The following ARL15 variants were observed in gnomAD, a reference collection of about 807,000 sequenced individuals.
ARL15 encodes ADP-ribosylation factor-like protein 15.
ARL15 carries 19 observed loss-of-function variants against 25.2 expected under a neutral mutation model. The ratio of observed to expected loss-of-function variants is 0.75; its 90% CI spans 0.53 to 1.10. The LOEUF (loss-of-function observed/expected upper bound fraction) is 1.10, where lower values mean the gene tolerates loss of function less well. Among genes scored for constraint, ARL15 ranks in the 50% least tolerant of loss-of-function variants. ARL15 has a pLI of 0.00. For missense variants in ARL15, 220 were observed against 246.0 expected, an observed-to-expected ratio of 0.89 and a Z score of 0.71; for synonymous variants, 94 against 86.8, an observed-to-expected ratio of 1.08 and a Z score of -0.46.
chr5:54,199,326 A>C (rs1755646522), intron 1 of ARL15, among the ~76,000 whole-genome samples: 1 of 151,954 alleles, frequency 6.6e-6, no homozygotes, highest in Non-Finnish European at 1.5e-5. Flanking sequence ...GAGCTTCTGC[A>C]CAGCAAAAGA....
chr5:54,177,007 C>A (rs1417186628), intron 1 of ARL15, among the ~76,000 whole-genome samples: 2 of 152,274 alleles, frequency 1.3e-5, no homozygotes, highest in African/African-American at 2.4e-5. Flanking sequence ...CCTGTCCCCA[C>A]TCCCCTGGTA....
At chr5:53,958,046 C>T (rs1747223475) in intron 4 of ARL15, among the ~76,000 whole-genome samples, 1 of 151,576 alleles carries the variant, frequency 6.6e-6, no homozygotes, top group Non-Finnish European at 1.5e-5. Flanking sequence ...CCCATCTCTA[C>T]AAAAAATACA....
intron 2 of ARL15, among the ~76,000 whole-genome samples, chr5:54,167,890 G>C (rs752208620): frequency 3.9e-5 from 6 of 152,060 alleles, no homozygotes; most frequent in African/African-American, 9.7e-5. Context: ...TACTGAAACT[G>C]TTTCTACCAT....
chr5:54,152,344 T>C (rs772077613), intron 3 of ARL15, among the ~76,000 whole-genome samples: 52 of 152,200 alleles, frequency 3.4e-4, no homozygotes, highest in Non-Finnish European at 6.3e-4. Context: ...CTACACTTTA[T>C]ACAGGTTAGC....
chr5:53,977,134 G>A (rs1054114404), intron 4 of ARL15, among the ~76,000 whole-genome samples: 8 of 151,958 alleles, frequency 5.3e-5, no homozygotes, highest in Non-Finnish European at 1.0e-4. Flanking sequence ...CGAGGCGGGC[G>A]GATCACAAGG....
chr5:54,106,680 G>A (rs1752598394), intron 4 of ARL15, among the ~76,000 whole-genome samples: 1 of 152,076 alleles, frequency 6.6e-6, no homozygotes, highest in African/African-American at 2.4e-5. Context: ...TTCAGAGAAT[G>A]GTGTTTTTCC....
chr5:53,960,409 A>C (rs1404577036), intron 4 of ARL15, among the ~76,000 whole-genome samples: 3 of 152,206 alleles, frequency 2.0e-5, no homozygotes, highest in Non-Finnish European at 2.9e-5. Context: ...CAGTGAAAGA[A>C]TCTTACGGCC....
intron 1 of ARL15, among the ~76,000 whole-genome samples, chr5:54,226,716 TTA>T (rs757457791): frequency 6.6e-6 from 1 of 152,236 alleles, no homozygotes; most frequent in Non-Finnish European, 1.5e-5. Context: ...ATTTCACCAT[TTA>T]TATGTCTTCA....
intron 4 of ARL15, among the ~76,000 whole-genome samples, chr5:53,890,596 C>T (rs1744679396): frequency 6.6e-6 from 1 of 152,152 alleles, no homozygotes; most frequent in Non-Finnish European, 1.5e-5. Flanking sequence ...GGTCATTTAG[C>T]TATTTTCAGG....
At chr5:54,063,809 A>C (rs1403655426) in intron 4 of ARL15, among the ~76,000 whole-genome samples, 2 of 152,184 alleles carry the variant, frequency 1.3e-5, no homozygotes, top group African/African-American at 4.8e-5. Flanking sequence ...TGTAAAAATA[A>C]AGCTAATTTG....
chr5:54,199,043 G>C (rs1017540949), intron 1 of ARL15, among the ~76,000 whole-genome samples: 9 of 151,428 alleles, frequency 5.9e-5, no homozygotes, highest in African/African-American at 2.2e-4. Context: ...ACAAGCAATG[G>C]GGAAAGGATT....
chr5:54,068,425 A>G (rs1287088740), intron 4 of ARL15, among the ~76,000 whole-genome samples: 1 of 152,210 alleles, frequency 6.6e-6, no homozygotes, highest in Non-Finnish European at 1.5e-5. Flanking sequence ...TGGAAAATCG[A>G]CCACAACCAT....
chr5:54,003,708 CTA>C (rs1561184713), intron 4 of ARL15, among the ~76,000 whole-genome samples: 45 of 136,452 alleles, frequency 3.3e-4, no homozygotes, highest in African/African-American at 9.3e-4. Flanking sequence ...ATCTATCTAT[CTA>C]TCTATCTCTA....
At chr5:54,258,224 G>A (rs1006605990) in intron 1 of ARL15, among the ~76,000 whole-genome samples, 3 of 151,778 alleles carry the variant, frequency 2.0e-5, no homozygotes, top group Non-Finnish European at 4.4e-5. Flanking sequence ...TGAAGTCCAA[G>A]CTACTCCAGA....
intron 4 of ARL15, among the ~76,000 whole-genome samples, chr5:54,092,231 C>T (rs1036032898): frequency 3.9e-5 from 6 of 152,140 alleles, no homozygotes; most frequent in African/African-American, 1.4e-4. Flanking sequence ...ATTCTTCTGG[C>T]ATCTGGCTTT....
At chr5:53,887,529 A>G in intron 4 of ARL15, 1 of 593,268 alleles carries the variant, frequency 1.7e-6, no homozygotes, top group Admixed American at 3.1e-5. Flanking sequence ...GTGAATAAAT[A>G]GCAAATTATT....
chr5:54,167,696 C>T (rs367883228), intron 2 of ARL15, among the ~76,000 whole-genome samples: 1 of 152,164 alleles, frequency 6.6e-6, no homozygotes, highest in Non-Finnish European at 1.5e-5. Context: ...TACTAGCATG[C>T]TCAAGAGACC....
intron 4 of ARL15, among the ~76,000 whole-genome samples, chr5:53,995,960 G>T (rs1479686571): frequency 6.6e-6 from 1 of 152,148 alleles, no homozygotes; most frequent in African/African-American, 2.4e-5. Context: ...TAAAAAGCAG[G>T]GGTGGTTGAG....
intron 3 of ARL15, among the ~76,000 whole-genome samples, chr5:54,131,851 C>T (rs1271536593): frequency 1.3e-5 from 2 of 150,784 alleles, no homozygotes; most frequent in Admixed American, 1.3e-4. Context: ...TGCAGTGAGC[C>T]GAGATCGCGC....
Sources: allele counts gnomAD v4.1 joint callset (sites outside exome capture counted in the v4.1 genomes callset), GRCh38; gene constraint gnomAD v4.1.1; transcripts MANE v1.5; gene names NCBI Gene and HGNC (gene_info 2026-07-23, HGNC 2026-07-21).